PTPRD: variants seen among roughly 807,000 people sequenced by gnomAD.
The protein encoded by PTPRD is protein tyrosine phosphatase receptor type D.
PTPRD carries 34 observed loss-of-function variants against 214.5 expected under a neutral mutation model. The ratio of observed to expected loss-of-function variants is 0.16; its 90% CI spans 0.12 to 0.21. The LOEUF is 0.21. Among genes scored for constraint, PTPRD ranks in the 10% least tolerant of loss-of-function variants. PTPRD has a pLI of 1.00. For missense variants in PTPRD, 2,545 were observed against 2,398.7 expected, an observed-to-expected ratio of 1.06 and a Z score of -1.27; for synonymous variants, 1,128 against 845.7, an observed-to-expected ratio of 1.33 and a Z score of -5.79.
intron 7 of PTPRD, among the ~76,000 whole-genome samples, chr9:9,682,829 A>T (rs9644898): frequency 0.35 from 53,704 of 151,588 alleles, 10,057 homozygotes; most frequent in Admixed American, 0.5. Flanking sequence ...TATCAGTACT[A>T]CAGCATTTTT....
chr9:10,466,365 T>A (rs901752992), intron 2 of PTPRD, among the ~76,000 whole-genome samples: 43 of 152,138 alleles, frequency 2.8e-4, no homozygotes, highest in African/African-American at 1.0e-3. Context: ...GGCTGATGCC[T>A]GTAATCTCAG....
chr9:9,332,943 G>A (rs894445495), intron 9 of PTPRD, among the ~76,000 whole-genome samples: 1 of 151,950 alleles, frequency 6.6e-6, no homozygotes, highest in Non-Finnish European at 1.5e-5. Context: ...TCTTATGTTA[G>A]TTAGTGTTAA....
chr9:10,226,650 T>C (rs62538655), intron 3 of PTPRD, among the ~76,000 whole-genome samples: 20,122 of 152,088 alleles, frequency 0.13, 1,400 homozygotes, highest in African/African-American at 0.14. Context: ...AAGCTCTGGA[T>C]CCTATGTAAC....
intron 14 of PTPRD, among the ~76,000 whole-genome samples, chr9:8,573,707 T>A (rs1010079964): frequency 6.6e-6 from 1 of 151,932 alleles, no homozygotes; most frequent in South Asian, 2.1e-4. Flanking sequence ...TCCAAAAAAG[T>A]TGCATAATTT....
intron 8 of PTPRD, among the ~76,000 whole-genome samples, chr9:9,405,571 A>G (rs894311118): frequency 2.0e-5 from 3 of 152,040 alleles, no homozygotes; most frequent in Admixed American, 6.6e-5. Flanking sequence ...TTCAGTTTCA[A>G]TTAATAAAAT....
At chr9:9,472,570 T>C (rs78478496) in intron 8 of PTPRD, among the ~76,000 whole-genome samples, 1,925 of 152,250 alleles carry the variant, frequency 0.013, 31 homozygotes, top group African/African-American at 0.044. Flanking sequence ...CTGTTCAGTT[T>C]GCAGCCAACC....
At chr9:10,026,795 G>T (rs1305668164) in intron 4 of PTPRD, among the ~76,000 whole-genome samples, 1 of 150,700 alleles carries the variant, frequency 6.6e-6, no homozygotes, top group Non-Finnish European at 1.5e-5. Context: ...ACATTTACAA[G>T]AATTATTTCC....
chr9:8,949,781 C>T (rs530690444), intron 11 of PTPRD, among the ~76,000 whole-genome samples: 4 of 152,202 alleles, frequency 2.6e-5, no homozygotes, highest in East Asian at 3.9e-4. Context: ...GGATTGTTGT[C>T]TTCTACGTGT....
intron 11 of PTPRD, among the ~76,000 whole-genome samples, chr9:8,772,316 T>C (rs903320252): frequency 6.6e-6 from 1 of 152,130 alleles, no homozygotes; most frequent in African/African-American, 2.4e-5. Context: ...GTTTTTTATC[T>C]CAAGAGCTCC....
chr9:8,401,477 C>T (rs1202600371), intron 36 of PTPRD, among the ~76,000 whole-genome samples: 5 of 152,106 alleles, frequency 3.3e-5, no homozygotes, highest in African/African-American at 1.2e-4. Context: ...ATTCTGTTTC[C>T]ATACTGCTTA....
At chr9:8,788,253 A>ATTTTTTTTTTT (rs776984034) in intron 11 of PTPRD, among the ~76,000 whole-genome samples, 1 of 85,264 alleles carries the variant, frequency 1.2e-5, no homozygotes. Flanking sequence ...ATATAAGATG[A>ATTTTTTTTTTT]TTTTTTTTTT....
At chr9:8,398,524 G>GT (rs2091729815) in intron 36 of PTPRD, among the ~76,000 whole-genome samples, 4 of 152,288 alleles carry the variant, frequency 2.6e-5, no homozygotes, top group African/African-American at 7.2e-5. Flanking sequence ...GCTCTGATCA[G>GT]AATGTGTTCC....
chr9:10,346,450 A>G (rs139956122), intron 2 of PTPRD, among the ~76,000 whole-genome samples: 21 of 152,356 alleles, frequency 1.4e-4, no homozygotes, highest in East Asian at 7.7e-4. Flanking sequence ...CTGAAAAATT[A>G]TATAAGAATA....
At chr9:8,849,171 A>ATTTTTTTTTTTTTTTTTTTTTTTT (rs746565485) in intron 11 of PTPRD, among the ~76,000 whole-genome samples, 1 of 108,734 alleles carries the variant, frequency 9.2e-6, no homozygotes, top group Non-Finnish European at 1.8e-5. Flanking sequence ...TCAAAAAAAA[A>ATTTTTTTTTTTTTTTTTTTTTTTT]TTTTTTTTTT....
chr9:10,128,235 G>A (rs1415730236), intron 3 of PTPRD, among the ~76,000 whole-genome samples: 1 of 152,058 alleles, frequency 6.6e-6, no homozygotes, highest in Non-Finnish European at 1.5e-5. Flanking sequence ...ATATGTTGAA[G>A]CCTAACACAC....
intron 35 of PTPRD, among the ~76,000 whole-genome samples, chr9:8,435,223 T>A (rs1564788782): frequency 6.6e-6 from 1 of 152,210 alleles, no homozygotes; most frequent in East Asian, 1.9e-4. Flanking sequence ...TTGAAGATTT[T>A]GGGAAGGCCA....
At chr9:9,971,331 C>G (rs375671946) in intron 4 of PTPRD, among the ~76,000 whole-genome samples, 2 of 151,926 alleles carry the variant, frequency 1.3e-5, no homozygotes, top group African/African-American at 2.4e-5. Context: ...AGGTGTTGAG[C>G]GGTATGGCTA....
intron 5 of PTPRD, among the ~76,000 whole-genome samples, chr9:9,826,870 A>G (rs1232920374): frequency 6.6e-6 from 1 of 151,926 alleles, no homozygotes; most frequent in Non-Finnish European, 1.5e-5. Context: ...ATAACAGACA[A>G]ACAGCCAAAT....
intron 11 of PTPRD, among the ~76,000 whole-genome samples, chr9:8,847,315 ATTTAT>A (rs2097717782): frequency 6.6e-6 from 1 of 152,140 alleles, no homozygotes; most frequent in African/African-American, 2.4e-5. Context: ...ATCATTCTTA[ATTTAT>A]AAGTATTATT....
Sources: gnomAD v4.1 joint callset for allele counts (sites outside exome capture counted in the v4.1 genomes callset) on GRCh38, gnomAD v4.1.1 for gene constraint, MANE v1.5 for transcripts, NCBI Gene and HGNC (gene_info 2026-07-23, HGNC 2026-07-21) for gene names.